Variants in TEX11 observed in about 807,000 individuals in gnomAD.
The protein encoded by TEX11 is testis expressed 11.
Under a neutral mutation model 84.4 loss-of-function variants are expected in TEX11, and 7 were observed. That is an observed-to-expected ratio of 0.08 (90% CI 0.05 to 0.16). The LOEUF is 0.16. TEX11 is among the 10% of genes least tolerant of loss of function. The pLI, the probability that TEX11 is intolerant of heterozygous loss-of-function variation, is 1.00. For missense variants in TEX11, 551 were observed against 660.5 expected (o/e 0.83, Z 1.82); for synonymous variants, 264 against 222.8 (o/e 1.18, Z -1.64).
chrX:70,758,602 G>A (rs939908083), intron 9 of TEX11, among the ~76,000 whole-genome samples: 4 of 112,052 alleles, frequency 3.6e-5, no homozygotes, highest in Non-Finnish European at 3.8e-5. Context: ...CAGAATCTCT[G>A]GGACACATTT....
intron 5 of TEX11, among the ~76,000 whole-genome samples, chrX:70,853,603 C>T (rs1472946053): frequency 8.9e-6 from 1 of 112,230 alleles, no homozygotes; most frequent in Non-Finnish European, 1.9e-5. Flanking sequence ...GTTGAAGTAA[C>T]TTAGATAGGA....
the TEX11 span, among the ~76,000 whole-genome samples, chrX:70,522,929 C>A: frequency 9.1e-6 from 1 of 109,700 alleles, no homozygotes; most frequent in Non-Finnish European, 1.9e-5. Context: ...TAAGATGGAA[C>A]TGCCCAAGTC....
chrX:70,642,146 T>C (rs1274479729), intron 17 of TEX11, among the ~76,000 whole-genome samples: 12 of 111,518 alleles, frequency 1.1e-4, no homozygotes, highest in African/African-American at 3.9e-4. Flanking sequence ...AACACCTCTA[T>C]GCAAATAAAC....
intron 25 of TEX11, among the ~76,000 whole-genome samples, chrX:70,564,765 T>C (rs1185374094): frequency 3.1e-4 from 34 of 109,210 alleles, no homozygotes; most frequent in African/African-American, 8.6e-4. Flanking sequence ...TAGTATTCCA[T>C]GGTGTATATG....
At chrX:70,732,472 T>C (rs779626530) in intron 11 of TEX11, among the ~76,000 whole-genome samples, 16 of 111,704 alleles carry the variant, frequency 1.4e-4, no homozygotes, top group Non-Finnish European at 2.6e-4. Context: ...ACAAAGTCAA[T>C]GAGCAAAAAT....
intron 9 of TEX11, among the ~76,000 whole-genome samples, chrX:70,786,700 A>C (rs1238625567): frequency 8.9e-6 from 1 of 112,059 alleles, no homozygotes; most frequent in Non-Finnish European, 1.9e-5. Flanking sequence ...TCAACAACAC[A>C]TTAAAAGGAT....
At chrX:70,855,095 A>T (rs905163276) in intron 5 of TEX11, among the ~76,000 whole-genome samples, 12 of 111,123 alleles carry the variant, frequency 1.1e-4, no homozygotes, top group Non-Finnish European at 3.8e-5. Context: ...ATATGTGTGT[A>T]TATAAAAATA....
chrX:70,780,091 T>C (rs764425190), intron 9 of TEX11, among the ~76,000 whole-genome samples: 1 of 110,461 alleles, frequency 9.1e-6, no homozygotes, highest in East Asian at 2.9e-4. Context: ...CTGGCCAACA[T>C]GATGAAAGCT....
chrX:70,715,716 C>T (rs1206539504), intron 13 of TEX11, among the ~76,000 whole-genome samples: 1 of 111,510 alleles, frequency 9.0e-6, no homozygotes, highest in Non-Finnish European at 1.9e-5. Context: ...AGGTTTTTAT[C>T]TTCTTTGTCT....
intron 13 of TEX11, among the ~76,000 whole-genome samples, chrX:70,692,820 C>A (rs1394177874): frequency 4.5e-5 from 5 of 111,213 alleles, no homozygotes; most frequent in African/African-American, 1.6e-4. Context: ...ACTTTCAGTT[C>A]TTTGGGGTAT....
chrX:70,820,765 T>G (rs955037478), intron 8 of TEX11, among the ~76,000 whole-genome samples: 1 of 111,570 alleles, frequency 9.0e-6, no homozygotes, highest in African/African-American at 3.3e-5. Context: ...AAGCTATTCA[T>G]AAGGGATCCT....
intron 13 of TEX11, among the ~76,000 whole-genome samples, chrX:70,708,016 A>G (rs1193178324): frequency 9.0e-6 from 1 of 111,205 alleles, no homozygotes. Context: ...GGATCTAACA[A>G]AGGTATAATA....
the TEX11 span, among the ~76,000 whole-genome samples, chrX:70,511,752 C>CAA: frequency 0.14 from 4,426 of 32,375 alleles, 684 homozygotes; most frequent in Non-Finnish European, 0.25. Flanking sequence ...GACTCCATCT[C>CAA]AAAAAAAAAA....
At chrX:70,794,338 GTAAT>G (rs2091143158) in intron 9 of TEX11, among the ~76,000 whole-genome samples, 1 of 111,923 alleles carries the variant, frequency 8.9e-6, no homozygotes, top group African/African-American at 3.2e-5. Flanking sequence ...ATCCATTCCA[GTAAT>G]TGGAACTTGA....
chrX:70,822,823 G>A (rs751543218), intron 8 of TEX11, among the ~76,000 whole-genome samples: 6 of 111,334 alleles, frequency 5.4e-5, no homozygotes, highest in East Asian at 5.6e-4. Flanking sequence ...AAGCAAGACA[G>A]AGAGCAGAGG....
At position 70,740,657 on chromosome X, in the gene TEX11, C is replaced by CA. The variant is rs746144740; in HGVS notation, c.843+43dup. ...GGATTTCAAAATGTGATCAAGACTT[C>CA]AAAAAATACATTAAGTTAGTATTCA... On this transcript the variant is annotated intron_variant, in intron 11 of 29. Coordinates refer to ENST00000374333, the MANE Select transcript of TEX11 (RefSeq NM_031276.3). 1.3e-5 allele frequency: 13 copies of CA among 971,208 alleles called. No individual in the cohort carries two copies. The African/African-American group carries it at 2.5e-4, about 19-fold the overall frequency. 80.0% of individuals were successfully genotyped at this position (971,208 alleles called of 1,213,427 possible). A position where few individuals can be genotyped will look rare whatever the true frequency, so the allele number is the denominator to read the frequency against.
At chrX:70,573,147 A>AT (rs1364487836) in intron 25 of TEX11, among the ~76,000 whole-genome samples, 1 of 111,210 alleles carries the variant, frequency 9.0e-6, no homozygotes, top group East Asian at 2.8e-4. Context: ...ATATATCACC[A>AT]TAAGTATCTG....
At chrX:70,595,184 T>A (rs992170823) in intron 24 of TEX11, among the ~76,000 whole-genome samples, 1 of 111,112 alleles carries the variant, frequency 9.0e-6, no homozygotes, top group African/African-American at 3.3e-5. Context: ...CGGATTCAAG[T>A]GATTCTCCTG....
At chrX:70,607,895 T>G (rs2089213322) in intron 22 of TEX11, among the ~76,000 whole-genome samples, 1 of 112,219 alleles carries the variant, frequency 8.9e-6, no homozygotes, top group South Asian at 3.7e-4. Context: ...TGTTTGTTAT[T>G]TTTCATTATT....
Sources: allele counts gnomAD v4.1 joint callset (sites outside exome capture counted in the v4.1 genomes callset), GRCh38; gene constraint gnomAD v4.1.1; transcripts MANE v1.5; gene names NCBI Gene and HGNC (gene_info 2026-07-23, HGNC 2026-07-21).